OGDH: variants seen among roughly 807,000 people sequenced by gnomAD.
The protein encoded by OGDH is oxoglutarate dehydrogenase, also known as 2-oxoglutarate dehydrogenase complex component E1.
In OGDH, 38 loss-of-function variants were observed where a neutral mutation model predicts 116.6. The observed-to-expected ratio is 0.33, with a 90% CI of 0.25 to 0.43. The LOEUF is 0.43. Among genes scored for constraint, OGDH ranks in the 20% least tolerant of loss-of-function variants. OGDH has a pLI of 1.00. For synonymous variants in OGDH, 488 were observed against 533.3 expected (o/e 0.92, Z 1.17); for missense variants, 825 against 1,357.2 (o/e 0.61, Z 6.16).
In OGDH at chr7:44,639,746, G is replaced by C. The variant is rs117064883; in HGVS notation, c.223-5581G>C. On this transcript the variant is annotated intron_variant, in intron 2 of 22. Transcript: ENST00000222673. ...CAGAATGGGCTCTTTGTCTGAAGGT[G>C]GGGCAGGGTGCTCCCCCAGTGGTGT... Among the ~76,000 whole-genome samples, 26 of 152,316 alleles carry C rather than the reference G, an allele frequency of 1.7e-4. No homozygotes were observed. The East Asian group carries it at 4.8e-3, about 28-fold the overall frequency.
chr7:44,695,555 T>G (rs1203699439), intron 12 of OGDH, among the ~76,000 whole-genome samples: 1 of 151,832 alleles, frequency 6.6e-6, no homozygotes, highest in Non-Finnish European at 1.5e-5. Flanking sequence ...ATACAAAAAT[T>G]TGCTGGGCGT....
chr7:44,675,738 G>A (rs931278910), intron 8 of OGDH, among the ~76,000 whole-genome samples: 5 of 151,932 alleles, frequency 3.3e-5, no homozygotes, highest in African/African-American at 9.7e-5. Context: ...TTAGCCGGGC[G>A]TGGTGGCGCA....
chr7:44,638,252 G>A (rs1031976387), intron 2 of OGDH, among the ~76,000 whole-genome samples: 12 of 152,260 alleles, frequency 7.9e-5, no homozygotes, highest in Non-Finnish European at 1.6e-4. Flanking sequence ...ACTTGGGTGT[G>A]GAGCTGGGCA....
chr7:44,686,944 C>T (rs1048978879), intron 10 of OGDH, among the ~76,000 whole-genome samples: 2 of 151,806 alleles, frequency 1.3e-5, no homozygotes, highest in Non-Finnish European at 2.9e-5. Flanking sequence ...GCCTCAGCCT[C>T]CCAAAGTGCT....
chr7:44,706,624 A>ATTTTTTTT lies in OGDH; in HGVS notation c.2633-593_2633-586dup, dbSNP rs60453820. ...GGCGTGAGCCATGCGCCCGGCTGGT[A>ATTTTTTTT]TTTTTTTTTTTTTTTGTCTGGAGAT... On this transcript the variant is annotated intron_variant, in intron 20 of 22. Transcript: ENST00000222673. Among the ~76,000 whole-genome samples the ATTTTTTTT allele has an allele frequency of 1.3e-3, 156 of 123,238 alleles. 9 individuals are homozygous for ATTTTTTTT. Among genetic ancestry groups the ATTTTTTTT allele is most frequent in the African/African-American group, 4.4e-3 (137 of 31,064 alleles). The allele number at this position is 123,238 out of a possible 152,430, so 80.8% of individuals were successfully genotyped here. A position where few individuals can be genotyped will look rare whatever the true frequency, so the allele number is the denominator to read the frequency against.
At chr7:44,626,316 C>CACACACACACACACACCCCT in intron 2 of OGDH, among the ~76,000 whole-genome samples, 2 of 135,018 alleles carry the variant, frequency 1.5e-5, no homozygotes, top group African/African-American at 5.6e-5. Context: ...TACACACACA[C>CACACACACACACACACCCCT]ACACACACAC....
intron 2 of OGDH, among the ~76,000 whole-genome samples, chr7:44,641,654 T>G (rs1785950789): frequency 6.6e-6 from 1 of 152,220 alleles, no homozygotes; most frequent in African/African-American, 2.4e-5. Context: ...GGTCAGGTCC[T>G]CAGTTATTGG....
chr7:44,697,371 C>A lies in OGDH; in HGVS notation c.2053C>A (p.His685Asn). The change falls in exon 16 of 23, where the codon CAC becomes AAC. Residue 685 changes from histidine (H) to asparagine (N), a missense_variant and splice_region_variant. Physicochemically the swap from His to Asn is moderately conservative, Grantham distance 68 (BLOSUM62 1). Around this residue, in one of 7 missense-constraint regions of OGDH, gnomAD observed 73 missense variants for 182.3 expected, o/e 0.40. Transcript: ENST00000222673. This position sits in a 1 kb window ranked among gnomAD's most constrained non-coding sequence, Gnocchi z 6.0. ...ATTACCTCTGTTGTCCTGTCTCAGC[C>A]ACCGCCACCATGTGCTCCATGACCA... Reference protein sequence around the residue: ...GQDVERGTFSHRHHVLHDQNV... With the variant: ...GQDVERGTFSNRHHVLHDQNV... The A allele has an allele frequency of 6.2e-7, 1 of 1,614,180 alleles. No individual in the cohort carries two copies. The highest frequency in any genetic ancestry group is 8.5e-7 in the Non-Finnish European group (1 of 1,180,034).
chr7:44,635,260 T>G (rs1441882106), intron 2 of OGDH, among the ~76,000 whole-genome samples: 1 of 152,172 alleles, frequency 6.6e-6, no homozygotes, highest in African/African-American at 2.4e-5. Flanking sequence ...TACGCCGGTG[T>G]TCCTTGGTTA....
intron 8 of OGDH, 72 bp from the exon 9 acceptor site, chr7:44,675,898 C>T (rs745551999): frequency 1.0e-4 from 154 of 1,505,432 alleles, no homozygotes; most frequent in Non-Finnish European, 1.2e-4. Context: ...AAAAAATTCC[C>T]GTATAAAAGG....
At chr7:44,614,889 T>C (rs2117234107) in intron 1 of OGDH, among the ~76,000 whole-genome samples, 1 of 145,898 alleles carries the variant, frequency 6.9e-6, no homozygotes, top group South Asian at 2.2e-4. Flanking sequence ...CAGGCTGGAG[T>C]GCAGTGGCGC....
chr7:44,685,322 T>C (rs1788084312), intron 10 of OGDH, among the ~76,000 whole-genome samples: 2 of 151,924 alleles, frequency 1.3e-5, no homozygotes, highest in South Asian at 4.1e-4. Context: ...TTTCTGTCTC[T>C]ATGATTTTGA....
At chr7:44,616,875 A>ATATATACACATATATACT (rs1562611367) in intron 1 of OGDH, among the ~76,000 whole-genome samples, 1 of 31,512 alleles carries the variant, frequency 3.2e-5, no homozygotes, top group African/African-American at 1.0e-4. Flanking sequence ...ATATATACGT[A>ATATATACACATATATACT]TATATATATG....
chr7:44,691,812 T>G (rs1788375156), intron 10 of OGDH, among the ~76,000 whole-genome samples: 1 of 135,672 alleles, frequency 7.4e-6, no homozygotes, highest in Admixed American at 7.4e-5. Context: ...CCATCTCTAC[T>G]AAAAAAAAAA....
intron 10 of OGDH, among the ~76,000 whole-genome samples, chr7:44,686,335 A>G (rs1359580533): frequency 1.3e-5 from 2 of 152,156 alleles, no homozygotes; most frequent in African/African-American, 4.8e-5. Context: ...TTCTGTCTCT[A>G]ATCTGTGGAC....
intron 20 of OGDH, among the ~76,000 whole-genome samples, chr7:44,706,323 A>T (rs928899917): frequency 7.0e-6 from 1 of 142,516 alleles, no homozygotes; most frequent in East Asian, 2.0e-4. Context: ...TTTTTATATA[A>T]TTTTTTTTTT....
rs181501853 is a variant in OGDH, at chr7:44,642,138, C to T, written c.223-3189C>T. Among the ~76,000 whole-genome samples the T allele has an allele frequency of 8.7e-5, 12 of 138,654 alleles. No individual in the cohort carries two copies. The South Asian group carries it at 1.3e-3, about 15-fold the overall frequency. The allele number at this position is 138,654 out of a possible 152,430, so 91.0% of individuals were successfully genotyped here. ...ATCTGTTGAAAAGGAAAGTTTAGGC[C>T]CAGATGGTGGCTCATGCCTATAATC... On this transcript the variant is annotated intron_variant, in intron 2 of 22. Transcript: ENST00000222673.
chr7:44,703,841 C>T (rs757779353), intron 20 of OGDH, among the ~76,000 whole-genome samples: 4 of 151,994 alleles, frequency 2.6e-5, no homozygotes, highest in Admixed American at 1.3e-4. Context: ...GCCAAGATCA[C>T]GCCGTTGCAC....
intron 4 of OGDH, chr7:44,656,380 T>C (rs1786690973): frequency 6.5e-7 from 1 of 1,535,172 alleles, no homozygotes; most frequent in Non-Finnish European, 8.7e-7. Context: ...AATAATGAGC[T>C]TTTCACCTTT....
Sources: gnomAD v4.1 joint callset for allele counts (sites outside exome capture counted in the v4.1 genomes callset) on GRCh38, gnomAD v4.1.1 for gene constraint, gnomAD v4.1.1 regional missense constraint, Gnocchi (gnomAD v3.1) non-coding constraint, MANE v1.5 for transcripts, NCBI Gene and HGNC (gene_info 2026-07-23, HGNC 2026-07-21) for gene names.